Variants in CNNM3 observed in about 807,000 individuals in gnomAD.
CNNM3 encodes the protein cyclin and CBS domain divalent metal cation transport mediator 3.
Under a neutral mutation model 57.1 loss-of-function variants are expected in CNNM3, and 47 were observed. That is an observed-to-expected ratio of 0.82 (90% CI 0.65 to 1.05). The LOEUF is 1.05. CNNM3 is among the 50% of genes least tolerant of loss of function. CNNM3 has a pLI of 0.00. For synonymous variants in CNNM3, 507 were observed against 478.2 expected (o/e 1.06, Z -0.79); for missense variants, 957 against 973.7 (o/e 0.98, Z 0.23).
At chr2:96,837,122 A>G (rs1379457674), downstream of CNNM3, 1 of 152,214 alleles carries the variant, frequency 6.6e-6, no homozygotes, top group Admixed American at 6.5e-5. Context: ...ACATAGCTAT[A>G]TAGTAGATCT....
Position 96,816,405 on chromosome 2 carries a change from C to G in CNNM3, c.128C>G (p.Ala43Gly). 1 of 1,371,024 alleles carries G rather than the reference C, an allele frequency of 7.3e-7. No homozygotes were observed. 84.9% of individuals were successfully genotyped at this position (1,371,024 alleles called of 1,614,324 possible). A position where few individuals can be genotyped will look rare whatever the true frequency, so the allele number is the denominator to read the frequency against. The change falls in exon 1 of 8, where the codon GCG (alanine) becomes GGG (glycine). Residue 43 changes from alanine (A) to glycine (G), a missense_variant. By Grantham distance (60) the Ala-to-Gly change is moderately conservative (BLOSUM62 0). Coordinates refer to ENST00000305510, the MANE Select transcript of CNNM3 (RefSeq NM_017623.5). Reference sequence around the variant, plus strand: ...GGCTTCTGCCTGGAGGAGGATGGAGCGGCGGGCGCGGGTTGGGTACGCGGA... The same window carrying G: ...GGCTTCTGCCTGGAGGAGGATGGAGGGGCGGGCGCGGGTTGGGTACGCGGA... ...VLGFCLEEDG[A>G]AGAGWVRGGA...
At chr2:96,835,852 G>A (rs1187394148), downstream of CNNM3, among the ~76,000 whole-genome samples, 1 of 152,146 alleles carries the variant, frequency 6.6e-6, no homozygotes, top group East Asian at 1.9e-4. Context: ...GTGTCCACAT[G>A]TTTTTACTTC....
At chr2:96,817,583 C>T (rs575496426) in intron 1 of CNNM3, 81 bp downstream of exon 1, 134 of 1,393,568 alleles carry the variant, frequency 9.6e-5, no homozygotes, top group East Asian at 1.4e-4. Context: ...TGGAAGCCTT[C>T]TGGAAAGGGT....
At chr2:96,822,202 A>T (rs777171406) in intron 1 of CNNM3, among the ~76,000 whole-genome samples, 32 of 151,908 alleles carry the variant, frequency 2.1e-4, no homozygotes, top group Non-Finnish European at 4.3e-4. Flanking sequence ...ATGGAGTTTC[A>T]CAATGTTGGC....
chr2:96,829,197 C>T lies in CNNM3; in HGVS notation c.2059+63C>T, dbSNP rs867029409. 30 of 1,551,598 alleles carry T rather than the reference C, an allele frequency of 1.9e-5. No homozygotes were observed. The Middle Eastern group carries it at 3.4e-3, about 174-fold the overall frequency. On this transcript the variant is annotated intron_variant, in intron 7 of 7. Coordinates refer to ENST00000305510, the MANE Select transcript of CNNM3 (RefSeq NM_017623.5). Reference sequence around the variant, plus strand: ...CCTGAGGGCCGTGAGCTCACACACACAGACTTGCACTCTCGCCGCCCCCCC... The same window carrying T: ...CCTGAGGGCCGTGAGCTCACACACATAGACTTGCACTCTCGCCGCCCCCCC...
At chr2:96,831,751 C>A (rs1023879743) in intron 7 of CNNM3, among the ~76,000 whole-genome samples, 7 of 152,238 alleles carry the variant, frequency 4.6e-5, no homozygotes, top group African/African-American at 1.7e-4. Flanking sequence ...AAGGCAGTCC[C>A]CACACTGTGC....
chr2:96,829,717 G>A (rs2079570472), intron 7 of CNNM3, among the ~76,000 whole-genome samples: 2 of 152,010 alleles, frequency 1.3e-5, no homozygotes, highest in South Asian at 4.2e-4. Context: ...AGTATAGTAA[G>A]TCGGTATTTC....
At position 96,816,779 on chromosome 2, in the gene CNNM3, G is replaced by A; in HGVS notation, c.502G>A (p.Val168Met). ...GGCGCTGGCGCCTGCCGAGGTGCAG[G>A]TGCTGCGCGAGAGCGGCTCGGAGGC... ...ALALAPAEVQ[V>M]LRESGSEAER... Residue 168 changes from valine to methionine, a missense_variant, in exon 1 of 8, where the codon GTG becomes ATG. Transcript: ENST00000305510. The A allele has an allele frequency of 1.3e-5, 13 of 1,021,910 alleles. No individual in the cohort carries two copies. The highest frequency in any genetic ancestry group is 1.5e-5 in the Non-Finnish European group (13 of 856,242). The allele number at this position is 1,021,910 out of a possible 1,614,324, so 63.3% of individuals were successfully genotyped here.
At chr2:96,826,352 A>G (rs2079504480) in intron 2 of CNNM3, among the ~76,000 whole-genome samples, 1 of 152,092 alleles carries the variant, frequency 6.6e-6, no homozygotes, top group Non-Finnish European at 1.5e-5. Flanking sequence ...AGTTGGGACT[A>G]CAGGCGCATG....
rs1003168998 is a variant in CNNM3 at position 96,816,700 on chromosome 2, G to C, written c.423G>C (p.Ala141=). 1.2e-4 allele frequency: 118 copies of C among 1,014,232 alleles called. No individual in the cohort carries two copies. The highest frequency in any genetic ancestry group is 1.3e-4 in the Non-Finnish European group (108 of 850,884). The allele number at this position is 1,014,232 out of a possible 1,614,324, so 62.8% of individuals were successfully genotyped here. A position where few individuals can be genotyped will look rare whatever the true frequency, so the allele number is the denominator to read the frequency against. The change falls in exon 1 of 8, where the codon GCG becomes GCC. Residue 141 remains alanine, a synonymous_variant. Transcript: ENST00000305510. ...AAPPWALGLG[A]AGLLALAALA... The stretch of plus-strand genomic sequence containing the variant: ...CGCCCTGGGCTCTGGGCCTGGGGGC[G>C]GCCGGGCTGCTGGCGCTGGCAGCGC...
intron 4 of CNNM3, 41 bp downstream of exon 4, chr2:96,827,941 C>T (rs2079537578): frequency 6.3e-7 from 1 of 1,599,348 alleles, no homozygotes; most frequent in South Asian, 1.1e-5. Flanking sequence ...CCTGCTTCCT[C>T]AGGCCAGGGA....
intron 1 of CNNM3, among the ~76,000 whole-genome samples, chr2:96,818,065 T>C (rs2079352032): frequency 6.6e-6 from 1 of 152,194 alleles, no homozygotes; most frequent in South Asian, 2.1e-4. Flanking sequence ...CTTAACACTT[T>C]GCTTTCACCA....
chr2:96,836,327 C>G (rs1254476549), downstream of CNNM3, among the ~76,000 whole-genome samples: 2 of 151,330 alleles, frequency 1.3e-5, no homozygotes, highest in African/African-American at 2.4e-5. Context: ...ACTGCAACCT[C>G]CGCCTCCCAG....
At chr2:96,819,651 C>G (rs1455661723) in intron 1 of CNNM3, among the ~76,000 whole-genome samples, 1 of 152,092 alleles carries the variant, frequency 6.6e-6, no homozygotes, top group African/African-American at 2.4e-5. Context: ...TTTTGGTGTT[C>G]AAAGCACTCA....
chr2:96,829,815 TTTAAGA>T (rs937785598), intron 7 of CNNM3, among the ~76,000 whole-genome samples: 1 of 152,098 alleles, frequency 6.6e-6, no homozygotes, highest in African/African-American at 2.4e-5. Context: ...CTTTTGGCCA[TTTAAGA>T]TTAAGTTTAG....
At position 96,816,949 on chromosome 2, in the gene CNNM3, C is replaced by A; in HGVS notation, c.672C>A (p.Ala224=). ...CGGCCGGCCAGCGTGCGGTGCCCGC[C>A]GTGTTGGGCAGCGCGGGGCTCGTGT... ...YRAAGQRAVP[A]VLGSAGLVFL... is the part of the protein sequence containing the mutation. Residue 224 remains alanine (A), a synonymous_variant, in exon 1 of 8, where the codon GCC becomes GCA. Transcript: ENST00000305510. 1 of 1,281,152 alleles carries A rather than the reference C, an allele frequency of 7.8e-7. No individual in the cohort carries two copies. The allele number at this position is 1,281,152 out of a possible 1,614,324, so 79.4% of individuals were successfully genotyped here. A position where few individuals can be genotyped will look rare whatever the true frequency, so the allele number is the denominator to read the frequency against.
At chr2:96,827,945 C>T (rs1342133410) in intron 4 of CNNM3, 45 bp downstream of exon 4, 2 of 1,597,024 alleles carry the variant, frequency 1.3e-6, no homozygotes, top group Non-Finnish European at 1.7e-6. Flanking sequence ...CTTCCTCAGG[C>T]CAGGGAAGGG....
downstream of CNNM3, chr2:96,837,009 C>T (rs774802624): frequency 2.6e-5 from 4 of 152,164 alleles, no homozygotes; most frequent in African/African-American, 4.8e-5. Context: ...TACTTTTGCA[C>T]CTTAAAGTCA....
In CNNM3 at chr2:96,816,900, CGCTGGCGGT is replaced by C. The variant is rs2153353035; in HGVS notation, c.628_636del (p.Ala210_Leu212del). Reference sequence around the variant, plus strand: ...CTGCTGGCCAGCCTGGCGCAGGCGGCGCTGGCGGTGCTGCTGTACCGCGCGGCCGGCCAG... The same window carrying C: ...CTGCTGGCCAGCCTGGCGCAGGCGGCGCTGCTGTACCGCGCGGCCGGCCAG... On this transcript the variant is annotated inframe_deletion, in exon 1 of 8. Coordinates refer to ENST00000305510, the MANE Select transcript of CNNM3 (RefSeq NM_017623.5). 2.8e-5 allele frequency: 32 copies of C among 1,127,902 alleles called. No individual in the cohort carries two copies. Among genetic ancestry groups the C allele is most frequent in the East Asian group, 5.0e-5 (1 of 20,032 alleles). 69.9% of individuals were successfully genotyped at this position (1,127,902 alleles called of 1,614,324 possible). A position where few individuals can be genotyped will look rare whatever the true frequency, so the allele number is the denominator to read the frequency against.
Sources: allele counts gnomAD v4.1 joint callset (sites outside exome capture counted in the v4.1 genomes callset), GRCh38; gene constraint gnomAD v4.1.1; transcripts MANE v1.5; gene names NCBI Gene and HGNC (gene_info 2026-07-23, HGNC 2026-07-21).